PCDHGA6: variants seen among roughly 807,000 people sequenced by gnomAD.
PCDHGA6 encodes the protein protocadherin gamma-A6.
Under a neutral mutation model 60.6 loss-of-function variants are expected in PCDHGA6, and 41 were observed. The observed-to-expected ratio is 0.68, with a 90% CI of 0.53 to 0.88. The LOEUF (loss-of-function observed/expected upper bound fraction) is 0.88, where lower values mean the gene tolerates loss of function less well. PCDHGA6 is among the 40% of genes least tolerant of loss of function. The pLI is 0.00. For missense variants in PCDHGA6, 1,312 were observed against 1,203.0 expected (o/e 1.09, Z -1.34); for synonymous variants, 594 against 524.4 (o/e 1.13, Z -1.81).
rs1001555249 is a variant in PCDHGA6, at chr5:141,486,728, G to A, written c.2425-8079G>A. The A allele has an allele frequency of 1.2e-6, 2 of 1,614,200 alleles. No homozygotes were observed. The highest frequency in any genetic ancestry group is 1.7e-6 in the Non-Finnish European group (2 of 1,180,052). On this transcript the variant is annotated intron_variant, in intron 1 of 3. Transcript: ENST00000517434. This position sits in a 1 kb window ranked among gnomAD's most constrained non-coding sequence, Gnocchi z 5.0. Reference sequence around the variant, plus strand: ...GAACCCCCAGACAGGAGCTGTTCATGCTACTCGATCCTTTGACTATGAGCA... The same window carrying A: ...GAACCCCCAGACAGGAGCTGTTCATACTACTCGATCCTTTGACTATGAGCA...
chr5:141,417,782 C>T (rs2096161767), intron 1 of PCDHGA6: 1 of 1,473,310 alleles, frequency 6.8e-7, no homozygotes, highest in Non-Finnish European at 9.0e-7. Flanking sequence ...CTGTCCTGGG[C>T]CGAATGCTCT....
Position 141,375,794 on chromosome 5 carries a change from G to A in PCDHGA6, c.1711G>A (p.Gly571Ser), listed in dbSNP as rs754100940. 6.2e-7 allele frequency: 1 copy of A among 1,614,170 alleles called. No homozygotes were observed. Among genetic ancestry groups the A allele is most frequent in the East Asian group, 2.2e-5 (1 of 44,888 alleles). The change falls in exon 1 of 4, where the codon GGT (glycine) becomes AGT (serine). Residue 571 changes from glycine to serine, a missense_variant. Physicochemically the swap from Gly to Ser is moderately conservative, Grantham distance 56. Coordinates refer to ENST00000517434, the MANE Select transcript of PCDHGA6 (RefSeq NM_018919.3). ...EILYPALPTD[G>S]STGVELAPRS... ...CCTGTACCCCGCCCTCCCCACAGACGGTTCCACTGGCGTGGAGCTGGCGCC... is the reference window on the plus strand; with the variant it reads ...CCTGTACCCCGCCCTCCCCACAGACAGTTCCACTGGCGTGGAGCTGGCGCC...
In PCDHGA6 at chr5:141,375,015, A is replaced by C; in HGVS notation, c.932A>C (p.Asp311Ala). Residue 311 changes from aspartate to alanine, a missense_variant, in exon 1 of 4, where the codon GAC becomes GCC. Transcript: ENST00000517434. ...ISTSANLDYE[D>A]SSFYELGVEA... ...ACTTCTGCAAATCTAGACTATGAGGACTCGAGTTTTTATGAGCTGGGTGTT... is the reference window on the plus strand; with the variant it reads ...ACTTCTGCAAATCTAGACTATGAGGCCTCGAGTTTTTATGAGCTGGGTGTT... The C allele has an allele frequency of 1.2e-6, 2 of 1,613,916 alleles. No homozygotes were observed.
intron 1 of PCDHGA6, chr5:141,409,410 A>G (rs1465791228): frequency 6.2e-7 from 1 of 1,614,036 alleles, no homozygotes; most frequent in African/African-American, 1.3e-5. Flanking sequence ...AACTACTACA[A>G]ACTGGTGACA....
chr5:141,421,665 C>T, intron 1 of PCDHGA6: 1 of 1,613,854 alleles, frequency 6.2e-7, no homozygotes, highest in African/African-American at 1.3e-5. Context: ...TCAGTGAGCA[C>T]GCAATTCCTG....
chr5:141,410,849 C>CTTTTTTTTCTTTTT (rs2095433387), intron 1 of PCDHGA6: 1 of 129,786 alleles, frequency 7.7e-6, no homozygotes, highest in African/African-American at 6.0e-5. Flanking sequence ...TTGTCTTTGT[C>CTTTTTTTTCTTTTT]TTTTTTTTTT....
chr5:141,466,375 C>A (rs2099121518), intron 1 of PCDHGA6, among the ~76,000 whole-genome samples: 1 of 152,042 alleles, frequency 6.6e-6, no homozygotes, highest in Non-Finnish European at 1.5e-5. Context: ...GGTTTTGGCA[C>A]CCATCTAATG....
rs771398829 is a variant in PCDHGA6, at chr5:141,421,251, G to A, written c.2424+44744G>A. ...CCATGGCGAATCGGCTACAGCGCGG[G>A]GACCGCAGTCGGCTGCTGCTGCTGC... On this transcript the variant is annotated intron_variant, in intron 1 of 3. Transcript: ENST00000517434. 17 of 1,606,770 alleles carry A rather than the reference G, an allele frequency of 1.1e-5. No homozygotes were observed. The East Asian group carries it at 3.1e-4, about 30-fold the overall frequency.
At chr5:141,379,558 A>G (rs917784555) in intron 1 of PCDHGA6, 4 of 152,206 alleles carry the variant, frequency 2.6e-5, no homozygotes, top group African/African-American at 7.2e-5. Flanking sequence ...ACTACTTTTC[A>G]TGGAGATCAG....
Position 141,376,680 on chromosome 5 carries a change from T to TTTTTTTTTGTTTTG in PCDHGA6, c.2424+181_2424+182insGTTTTGTTTTTTTT, listed in dbSNP as rs1431701982. ...CCTTGTTCAGGTGAGGGTATCGTTT[T>TTTTTTTTTGTTTTG]TTTTTTTTTTTTTTTTTGAGACGGA... On this transcript the variant is annotated intron_variant, in intron 1 of 3. Transcript: ENST00000517434. The TTTTTTTTTGTTTTG allele has an allele frequency of 6.0e-6, 4 of 666,834 alleles. No individual in the cohort carries two copies. In the African/African-American group the frequency reaches 8.2e-5, roughly 14 times the overall value. The allele number at this position is 666,834 out of a possible 1,614,324, so 41.3% of individuals were successfully genotyped here.
At chr5:141,425,321 G>A (rs1020940689) in intron 1 of PCDHGA6, among the ~76,000 whole-genome samples, 2 of 152,182 alleles carry the variant, frequency 1.3e-5, no homozygotes, top group South Asian at 2.1e-4. Flanking sequence ...CAAGATCGTG[G>A]AGAACAAAAA....
At chr5:141,480,927 C>T (rs1562083028) in intron 1 of PCDHGA6, among the ~76,000 whole-genome samples, 1 of 152,090 alleles carries the variant, frequency 6.6e-6, no homozygotes, top group Non-Finnish European at 1.5e-5. Context: ...TACCTGTAGT[C>T]CCAGCTACTC....
In PCDHGA6 at chr5:141,419,882, T is replaced by A. The variant is rs145814583; in HGVS notation, c.2424+43375T>A. ...TAGCTTGCAAGAGGTACTGCCGGAT[T>A]TCAGCGACCATCCCACACCCTCTGA... On this transcript the variant is annotated intron_variant, in intron 1 of 3. Transcript: ENST00000517434. The A allele has an allele frequency of 4.9e-3, 7,980 of 1,614,092 alleles. 44 individuals carry two copies. Among genetic ancestry groups the A allele is most frequent in the Admixed American group, 9.4e-3 (567 of 60,032 alleles).
chr5:141,393,979 AT>A (rs2092890598), intron 1 of PCDHGA6: 1 of 1,613,732 alleles, frequency 6.2e-7, no homozygotes, highest in South Asian at 1.1e-5. Context: ...ACACGTGATA[AT>A]TTACCTTTTA....
intron 1 of PCDHGA6, among the ~76,000 whole-genome samples, chr5:141,401,455 A>G (rs1589438348): frequency 6.6e-6 from 1 of 152,256 alleles, no homozygotes; most frequent in East Asian, 1.9e-4. Flanking sequence ...AATCATCCAA[A>G]TAATTTTCTA....
At chr5:141,423,841 T>A (rs1413277726) in intron 1 of PCDHGA6, 15 of 1,282,014 alleles carry the variant, frequency 1.2e-5, no homozygotes, top group Non-Finnish European at 1.4e-5. Context: ...ATTACGATAA[T>A]CTTTCAGAAC....
intron 1 of PCDHGA6, among the ~76,000 whole-genome samples, chr5:141,434,245 T>G (rs921135977): frequency 3.3e-5 from 5 of 152,224 alleles, no homozygotes; most frequent in African/African-American, 1.2e-4. Context: ...CTAGATGACT[T>G]GGGCATTGTG....
At chr5:141,472,295 A>G (rs147192748) in intron 1 of PCDHGA6, among the ~76,000 whole-genome samples, 8,225 of 152,254 alleles carry the variant, frequency 0.054, 462 homozygotes, top group African/African-American at 0.15. Flanking sequence ...TAATCCCAGC[A>G]CTTTGGGAAG....
At chr5:141,461,966 G>A (rs2099027516) in intron 1 of PCDHGA6, among the ~76,000 whole-genome samples, 1 of 152,162 alleles carries the variant, frequency 6.6e-6, no homozygotes, top group African/African-American at 2.4e-5. Context: ...TGGGATTCCA[G>A]GCATATGCCA....
Sources: allele counts gnomAD v4.1 joint callset (sites outside exome capture counted in the v4.1 genomes callset), GRCh38; gene constraint gnomAD v4.1.1; non-coding constraint Gnocchi (gnomAD v3.1); transcripts MANE v1.5; gene names NCBI Gene and HGNC (gene_info 2026-07-23, HGNC 2026-07-21).